The following ACOT8 variants were observed in gnomAD, a reference collection of about 807,000 sequenced individuals.
The protein encoded by ACOT8 is acyl-CoA thioesterase 8, also known as acyl-coenzyme A thioesterase 8.
A neutral mutation model predicts 38.4 loss-of-function variants in ACOT8; 31 were observed. That is an observed-to-expected ratio of 0.81 (90% CI 0.61 to 1.09). ACOT8 has a LOEUF of 1.09. Ranked by LOEUF, ACOT8 falls within the 50% of genes least tolerant of loss-of-function variation. ACOT8 has a pLI of 0.00. For missense variants in ACOT8, 373 were observed against 421.8 expected, an observed-to-expected ratio of 0.88 and a Z score of 1.01; for synonymous variants, 158 against 170.3, an observed-to-expected ratio of 0.93 and a Z score of 0.56.
Position 45,844,407 on chromosome 20 carries a change from G to C in ACOT8, c.502C>G (p.Gln168Glu), listed in dbSNP as rs368416737. The stretch of plus-strand genomic sequence containing the variant: ...TTGAGCGCCAATGGGTACCTCTTTT[G>C]GAGGTTAGGGTCCCTGAAAGTAAAG... The part of the protein sequence containing the change: ...IDQYLRDPNL[Q>E]KRYPLALNRI... The change falls in exon 4 of 6, where the codon CAA (glutamine) becomes GAA (glutamate). Residue 168 changes from glutamine to glutamate, a missense_variant. Coordinates refer to ENST00000217455, the MANE Select transcript of ACOT8 (RefSeq NM_005469.4). 9.9e-6 allele frequency: 16 copies of C among 1,613,882 alleles called. No individual in the cohort carries two copies. The African/African-American group carries it at 2.1e-4, about 22-fold the overall frequency.
chr20:45,844,529 C>T (rs1028966173), intron 3 of ACOT8, 109 bp from the exon 4 acceptor site: 2 of 1,265,788 alleles, frequency 1.6e-6, no homozygotes, highest in Non-Finnish European at 2.2e-6. Context: ...CCTGATATCC[C>T]CAAAGCTCCC....
At position 45,844,423 on chromosome 20, in the gene ACOT8, G is replaced by C; in HGVS notation, c.489-3C>G. On this transcript the variant is annotated splice_region_variant and splice_polypyrimidine_tract_variant and intron_variant, in intron 3 of 5. Transcript: ENST00000217455. ...ACCTCTTTTGGAGGTTAGGGTCCCT[G>C]AAAGTAAAGGGAAGAGGGTCGGGGT... The C allele has an allele frequency of 6.2e-7, 1 of 1,613,756 alleles. No homozygotes were observed.
At chr20:45,842,098 C>T in intron 5 of ACOT8, 142 bp from the exon 6 acceptor site, 1 of 1,536,846 alleles carries the variant, frequency 6.5e-7, no homozygotes, top group Non-Finnish European at 8.7e-7. Flanking sequence ...GCCTCAGCCT[C>T]CTGAGCAGCT....
At chr20:45,855,120 C>T (rs368544899) in intron 2 of ACOT8, 39 bp downstream of exon 2, 2 of 1,607,624 alleles carry the variant, frequency 1.2e-6, no homozygotes, top group African/African-American at 2.7e-5. Flanking sequence ...GGCTGCTGGG[C>T]CACCAGGGTT....
At position 45,848,506 on chromosome 20, in the gene ACOT8, A is replaced by G. The variant is rs763043268; in HGVS notation, c.432T>C (p.Thr144=). Residue 144 remains threonine (T), a synonymous_variant, in exon 3 of 6, where the codon ACT becomes ACC. Coordinates refer to ENST00000217455, the MANE Select transcript of ACOT8 (RefSeq NM_005469.4). ...SPMQHQFSMP[T]VPPPEELLDC... is the part of the protein sequence containing the mutation. ...CAAGCAGCTCTTCTGGTGGTGGCAC[A>G]GTGGGCATGGAGAACTGGTGCTGCA... 1.2e-6 allele frequency: 2 copies of G among 1,613,490 alleles called. No homozygotes were observed. Among genetic ancestry groups the G allele is most frequent in the Non-Finnish European group, 1.7e-6 (2 of 1,179,626 alleles).
Position 45,848,680 on chromosome 20 carries a change from A to C in ACOT8, c.263-5T>G, listed in dbSNP as rs766159231. ...GTACTGGCAGCTTCGGGTCCCCTGC[A>C]GTGGGCACAAGGACACAGTGGGTCC... On this transcript the variant is annotated splice_polypyrimidine_tract_variant and splice_region_variant and intron_variant, in intron 2 of 5. Transcript: ENST00000217455. The C allele has an allele frequency of 2.5e-6, 4 of 1,599,224 alleles. No homozygotes were observed. The highest frequency in any genetic ancestry group is 2.2e-5 in the South Asian group (2 of 90,258).
intron 4 of ACOT8, 70 bp downstream of exon 4, chr20:45,844,193 A>G: frequency 6.3e-7 from 1 of 1,596,758 alleles, no homozygotes; most frequent in South Asian, 1.1e-5. Context: ...TCATGTGCCC[A>G]AGGCCACACA....
At chr20:45,848,712 C>T (rs1038553493) in intron 2 of ACOT8, 37 bp from the exon 3 acceptor site, 1 of 1,537,594 alleles carries the variant, frequency 6.5e-7, no homozygotes, top group Non-Finnish European at 8.8e-7. Context: ...GTCCACAGGC[C>T]CTGTCATCAT....
chr20:45,851,988 CTTTTT>C (rs869267965), intron 2 of ACOT8, among the ~76,000 whole-genome samples: 1 of 151,350 alleles, frequency 6.6e-6, no homozygotes, highest in South Asian at 2.1e-4. Context: ...TGAAACATCT[CTTTTT>C]TGTTTTGTTT....
intron 5 of ACOT8, 35 bp downstream of exon 5, chr20:45,843,492 G>T: frequency 6.2e-7 from 1 of 1,600,150 alleles, no homozygotes; most frequent in Non-Finnish European, 8.5e-7. Context: ...GCCACTCAAG[G>T]TCAGTGCCCT....
intron 3 of ACOT8, among the ~76,000 whole-genome samples, chr20:45,846,733 T>C (rs1448102632): frequency 6.6e-6 from 1 of 152,188 alleles, no homozygotes; most frequent in African/African-American, 2.4e-5. Context: ...ACAGAATCCA[T>C]GTGTCTATCC....
intron 1 of ACOT8, among the ~76,000 whole-genome samples, chr20:45,856,551 C>T (rs1323376773): frequency 1.3e-5 from 2 of 152,046 alleles, no homozygotes; most frequent in South Asian, 2.1e-4. Context: ...GGCTGTGGCG[C>T]GCCTGTATGT....
intron 3 of ACOT8, among the ~76,000 whole-genome samples, chr20:45,845,370 T>C (rs1984608905): frequency 6.6e-6 from 1 of 151,684 alleles, no homozygotes; most frequent in Non-Finnish European, 1.5e-5. Context: ...TATTTTTACT[T>C]TTTTTTGTAG....
intron 1 of ACOT8, among the ~76,000 whole-genome samples, chr20:45,855,918 G>T (rs569370807): frequency 1.3e-5 from 2 of 152,226 alleles, no homozygotes; most frequent in Non-Finnish European, 2.9e-5. Context: ...TATGTCTCTA[G>T]CCTCCCACGT....
At chr20:45,853,231 A>C (rs1053012901) in intron 2 of ACOT8, among the ~76,000 whole-genome samples, 1 of 152,230 alleles carries the variant, frequency 6.6e-6, no homozygotes, top group African/African-American at 2.4e-5. Context: ...GAAGCAAAGA[A>C]GCAGGAAAGA....
At chr20:45,857,046 G>T in intron 1 of ACOT8, 142 bp downstream of exon 1, 1 of 987,854 alleles carries the variant, frequency 1.0e-6, no homozygotes, top group African/African-American at 1.6e-5. Context: ...CTCTGTTGGG[G>T]GCGAGTTCTC....
chr20:45,853,535 C>G, intron 2 of ACOT8: 1 of 167,510 alleles, frequency 6.0e-6, no homozygotes, highest in South Asian at 1.5e-4. Context: ...GGCAAAGACT[C>G]ATTGAATTCT....
rs1241946522 is a variant in ACOT8 at position 45,843,233 on chromosome 20, G to A, written c.841+294C>T. ...AGATGAGGAAACTGAGGTTCAGATG[G>A]AAGATATGATTTGCCTATTGTAATA... On this transcript the variant is annotated intron_variant, in intron 5 of 5. Coordinates refer to ENST00000217455, the MANE Select transcript of ACOT8 (RefSeq NM_005469.4). 2.4e-5 allele frequency: 13 copies of A among 548,656 alleles called. No individual in the cohort carries two copies. In the Middle Eastern group the frequency reaches 1.7e-3, roughly 74 times the overall value. 34.0% of individuals were successfully genotyped at this position (548,656 alleles called of 1,614,324 possible). A position where few individuals can be genotyped will look rare whatever the true frequency, so the allele number is the denominator to read the frequency against.
chr20:45,855,048 C>T, intron 2 of ACOT8, 111 bp downstream of exon 2: 1 of 1,472,724 alleles, frequency 6.8e-7, no homozygotes, highest in Non-Finnish European at 9.2e-7. Context: ...GTCCGCCACC[C>T]CTCCCCTTGT....
Sources: allele counts gnomAD v4.1 joint callset (sites outside exome capture counted in the v4.1 genomes callset), GRCh38; gene constraint gnomAD v4.1.1; transcripts MANE v1.5; gene names NCBI Gene and HGNC (gene_info 2026-07-23, HGNC 2026-07-21).